Variants in NAALADL2 observed in about 807,000 individuals in gnomAD.
NAALADL2 encodes inactive N-acetylated-alpha-linked acidic dipeptidase-like protein 2.
A neutral mutation model predicts 87.2 loss-of-function variants in NAALADL2; 76 were observed. The observed-to-expected ratio is 0.87, with a 90% CI of 0.72 to 1.05. NAALADL2 has a LOEUF of 1.05. NAALADL2 is among the 50% of genes least tolerant of loss of function. NAALADL2 has a pLI of 0.00. For missense variants in NAALADL2, 1,089 were observed against 945.8 expected (o/e 1.15, Z -1.99); for synonymous variants, 354 against 331.0 (o/e 1.07, Z -0.75).
chr3:174,967,402 A>G (rs1743036726), intron 1 of NAALADL2, among the ~76,000 whole-genome samples: 1 of 150,112 alleles, frequency 6.7e-6, no homozygotes, highest in South Asian at 2.1e-4. Flanking sequence ...AAAGGAATTT[A>G]TTTTAGAAAT....
At chr3:174,469,530 G>A (rs370335521) in intron 1 of NAALADL2, among the ~76,000 whole-genome samples, 2 of 151,792 alleles carry the variant, frequency 1.3e-5, no homozygotes. Flanking sequence ...CTGGGTTCAC[G>A]CCATTCTCCT....
intron 3 of NAALADL2, among the ~76,000 whole-genome samples, chr3:174,791,936 G>A (rs1017509194): frequency 2.0e-5 from 3 of 151,992 alleles, no homozygotes; most frequent in Non-Finnish European, 4.4e-5. Flanking sequence ...GACTGGCCAG[G>A]TATGGCTGAC....
At chr3:175,674,193 C>A (rs1323003527) in intron 11 of NAALADL2, among the ~76,000 whole-genome samples, 1 of 151,602 alleles carries the variant, frequency 6.6e-6, no homozygotes, top group Non-Finnish European at 1.5e-5. Context: ...TTTGTATTAT[C>A]AAAGATTAAA....
chr3:174,652,439 A>C (rs995732637), intron 2 of NAALADL2, among the ~76,000 whole-genome samples: 1 of 152,230 alleles, frequency 6.6e-6, no homozygotes, highest in Admixed American at 6.5e-5. Context: ...ATCGATTCAC[A>C]GTTCCACATG....
At chr3:174,670,937 A>G (rs143129640) in intron 2 of NAALADL2, among the ~76,000 whole-genome samples, 4 of 152,082 alleles carry the variant, frequency 2.6e-5, no homozygotes, top group Middle Eastern at 3.4e-3. Context: ...CTGTCATCAC[A>G]ATAGTGAGTT....
intron 1 of NAALADL2, among the ~76,000 whole-genome samples, chr3:174,860,114 C>A (rs1726303432): frequency 6.6e-6 from 1 of 151,852 alleles, no homozygotes; most frequent in Non-Finnish European, 1.5e-5. Context: ...TTTTGGGTAA[C>A]AAAAGTTATT....
chr3:174,695,355 G>A lies in NAALADL2; in HGVS notation c.-114-42286G>A, dbSNP rs9863499. Among the ~76,000 whole-genome samples, 1,400 of 151,938 alleles carry A rather than the reference G, an allele frequency of 9.2e-3. 20 individuals are homozygous for A. Among genetic ancestry groups the A allele is most frequent in the African/African-American group, 0.032 (1,320 of 41,502 alleles). On this transcript the variant is annotated intron_variant, in intron 2 of 3. Transcript: ENST00000434257. ...AAATAGTAGATATTTTAGTATACAG[G>A]GTAAGTACAGGAGTTCAGATTCTTT...
intron 1 of NAALADL2, among the ~76,000 whole-genome samples, chr3:174,512,780 C>T (rs773776768): frequency 6.6e-6 from 1 of 152,058 alleles, no homozygotes; most frequent in Admixed American, 6.6e-5. Context: ...TTTCCCTTCT[C>T]TCAGAGTCAT....
At chr3:175,384,376 G>A in intron 5 of NAALADL2, among the ~76,000 whole-genome samples, 1 of 152,014 alleles carries the variant, frequency 6.6e-6, no homozygotes, top group East Asian at 1.9e-4. Context: ...TTCTTGGAAT[G>A]TTATATTGGA....
intron 1 of NAALADL2, among the ~76,000 whole-genome samples, chr3:175,022,754 G>C (rs11928750): frequency 0.057 from 8,654 of 152,116 alleles, 301 homozygotes; most frequent in Middle Eastern, 0.12. Flanking sequence ...GGAATGTATT[G>C]ACGGATTAAC....
At chr3:174,539,707 C>T (rs1293984045) in intron 1 of NAALADL2, among the ~76,000 whole-genome samples, 1 of 152,044 alleles carries the variant, frequency 6.6e-6, no homozygotes, top group Non-Finnish European at 1.5e-5. Flanking sequence ...TATATCAGCT[C>T]TCATTTTTTT....
intron 4 of NAALADL2, among the ~76,000 whole-genome samples, chr3:175,300,763 A>T (rs958491183): frequency 7.1e-6 from 1 of 141,710 alleles, no homozygotes; most frequent in East Asian, 2.1e-4. Context: ...ATTTTTATTT[A>T]TTTATTTATT....
intron 1 of NAALADL2, among the ~76,000 whole-genome samples, chr3:174,477,226 C>A (rs1161737112): frequency 6.6e-6 from 1 of 152,054 alleles, no homozygotes; most frequent in Non-Finnish European, 1.5e-5. Context: ...TGTCCTATAA[C>A]TAGAGTTTAG....
At chr3:174,693,808 C>T (rs1728795378) in intron 2 of NAALADL2, among the ~76,000 whole-genome samples, 1 of 152,084 alleles carries the variant, frequency 6.6e-6, no homozygotes, top group South Asian at 2.1e-4. Flanking sequence ...AGAGTGTGTA[C>T]ATATGTCATT....
chr3:175,073,540 A>G (rs1559990539), intron 1 of NAALADL2, among the ~76,000 whole-genome samples: 1 of 152,074 alleles, frequency 6.6e-6, no homozygotes, highest in Non-Finnish European at 1.5e-5. Context: ...TACTAATACA[A>G]TTACTTGTCT....
At chr3:175,051,173 A>T in intron 1 of NAALADL2, among the ~76,000 whole-genome samples, 1 of 152,210 alleles carries the variant, frequency 6.6e-6, no homozygotes. Context: ...GTCCCATCCA[A>T]CCTTAAGATT....
At chr3:175,652,184 C>T (rs1730848979) in intron 11 of NAALADL2, among the ~76,000 whole-genome samples, 2 of 152,090 alleles carry the variant, frequency 1.3e-5, no homozygotes, top group Non-Finnish European at 2.9e-5. Context: ...CAGTGAGTTC[C>T]CACTCTCGTA....
chr3:175,372,499 G>A (rs1246334208), intron 5 of NAALADL2, among the ~76,000 whole-genome samples: 1 of 152,166 alleles, frequency 6.6e-6, no homozygotes, highest in Non-Finnish European at 1.5e-5. Context: ...CAAGCTCTCT[G>A]TCTTTTCCTC....
At chr3:175,739,811 G>A (rs936724410) in intron 12 of NAALADL2, among the ~76,000 whole-genome samples, 1 of 152,100 alleles carries the variant, frequency 6.6e-6, no homozygotes, top group African/African-American at 2.4e-5. Context: ...AACAAAATTA[G>A]CATAAATAAA....
Sources: allele counts gnomAD v4.1 joint callset (sites outside exome capture counted in the v4.1 genomes callset), GRCh38; gene constraint gnomAD v4.1.1; transcripts MANE v1.5; gene names NCBI Gene and HGNC (gene_info 2026-07-23, HGNC 2026-07-21).